NELL2: variants seen among roughly 807,000 people sequenced by gnomAD.
NELL2 encodes the protein neural EGFL like 2.
A neutral mutation model predicts 109.6 loss-of-function variants in NELL2; 41 were observed. The observed-to-expected ratio is 0.37, with a 90% CI of 0.29 to 0.49. The LOEUF is 0.49. Among genes scored for constraint, NELL2 ranks in the 20% least tolerant of loss-of-function variants. The probability of loss-of-function intolerance (pLI) is 0.98; values close to 1 mark genes in which losing one functional copy is unlikely to be tolerated. For synonymous variants in NELL2, 355 were observed against 344.7 expected (o/e 1.03, Z -0.33); for missense variants, 900 against 1,008.3 (o/e 0.89, Z 1.45).
At chr12:44,649,887 G>C (rs1317576000) in intron 13 of NELL2, among the ~76,000 whole-genome samples, 2 of 152,200 alleles carry the variant, frequency 1.3e-5, no homozygotes, top group Non-Finnish European at 2.9e-5. Context: ...AGTGCTGTCA[G>C]TTGTTTATCA....
intron 3 of NELL2, among the ~76,000 whole-genome samples, chr12:44,785,971 A>G (rs1217179601): frequency 6.6e-6 from 1 of 152,134 alleles, no homozygotes; most frequent in East Asian, 1.9e-4. Context: ...AGGCACGGGC[A>G]AAGACTTCAT....
chr12:44,564,980 T>C (rs1257319028), intron 15 of NELL2, among the ~76,000 whole-genome samples: 1 of 152,164 alleles, frequency 6.6e-6, no homozygotes, highest in East Asian at 1.9e-4. Flanking sequence ...GTGGACCCCC[T>C]GAATCAGAAT....
chr12:44,825,351 T>A (rs1049210960), intron 2 of NELL2, among the ~76,000 whole-genome samples: 6 of 151,826 alleles, frequency 4.0e-5, no homozygotes, highest in Non-Finnish European at 8.8e-5. Context: ...CACCTACGTA[T>A]TTTTATAGCT....
At chr12:44,543,466 T>G (rs1488389836) in intron 15 of NELL2, among the ~76,000 whole-genome samples, 3 of 152,182 alleles carry the variant, frequency 2.0e-5, no homozygotes, top group Non-Finnish European at 2.9e-5. Context: ...TAAAAATATA[T>G]GTCAGATTGT....
chr12:44,822,135 A>G (rs1943566551), intron 2 of NELL2, among the ~76,000 whole-genome samples: 1 of 152,122 alleles, frequency 6.6e-6, no homozygotes, highest in Admixed American at 6.6e-5. Context: ...CAATATAGAA[A>G]AATAAAGTGC....
intron 9 of NELL2, among the ~76,000 whole-genome samples, chr12:44,733,075 G>A (rs1939454364): frequency 6.6e-6 from 1 of 152,070 alleles, no homozygotes; most frequent in South Asian, 2.1e-4. Flanking sequence ...AACAAGTGTT[G>A]GCAAGGATGT....
chr12:44,671,566 T>C (rs533977443), intron 12 of NELL2, among the ~76,000 whole-genome samples: 1 of 151,880 alleles, frequency 6.6e-6, no homozygotes, highest in African/African-American at 2.4e-5. Flanking sequence ...GAAGACCAGA[T>C]AAACAAAAAT....
At chr12:44,816,217 A>T in intron 2 of NELL2, 81 bp from the exon 3 acceptor site, 2 of 1,275,778 alleles carry the variant, frequency 1.6e-6, no homozygotes, top group South Asian at 3.2e-5. Context: ...TCTTTCAAAA[A>T]ACTTTATCAA....
At chr12:44,800,440 G>T (rs1592560793) in intron 3 of NELL2, among the ~76,000 whole-genome samples, 1 of 152,106 alleles carries the variant, frequency 6.6e-6, no homozygotes, top group Non-Finnish European at 1.5e-5. Flanking sequence ...TGCCTAAGTG[G>T]TTTTACAAGC....
intron 2 of NELL2, among the ~76,000 whole-genome samples, chr12:44,856,398 G>A (rs889446916): frequency 9.9e-5 from 15 of 152,188 alleles, no homozygotes; most frequent in Non-Finnish European, 1.6e-4. Flanking sequence ...ATACAGTATG[G>A]TAAATAATAA....
rs17094843 is a variant in NELL2 at position 44,595,150 on chromosome 12, T to C, written c.1663+12019A>G. On this transcript the variant is annotated intron_variant, in intron 15 of 19. Transcript: ENST00000429094. ...AAGCAAAAAGAAACACAAGCAACTGTAGTCAACTAATTTTCTTTTCCTCGA... is the reference window on the plus strand; with the variant it reads ...AAGCAAAAAGAAACACAAGCAACTGCAGTCAACTAATTTTCTTTTCCTCGA... 4.9e-3 allele frequency among the ~76,000 whole-genome samples: 746 copies of C among 152,340 alleles called. 11 individuals carry two copies. Among genetic ancestry groups the C allele is most frequent in the African/African-American group, 0.017 (695 of 41,582 alleles).
intron 9 of NELL2, among the ~76,000 whole-genome samples, chr12:44,725,554 G>A (rs1318059388): frequency 6.6e-6 from 1 of 152,118 alleles, no homozygotes; most frequent in Non-Finnish European, 1.5e-5. Flanking sequence ...ACATGCACGT[G>A]ATTGTTCACT....
At chr12:44,657,641 C>T (rs920077652) in intron 13 of NELL2, among the ~76,000 whole-genome samples, 4 of 152,106 alleles carry the variant, frequency 2.6e-5, no homozygotes, top group Admixed American at 6.5e-5. Context: ...TCCCCTACCC[C>T]CTAACAGGCC....
chr12:44,582,544 A>C (rs1360090035), intron 15 of NELL2, among the ~76,000 whole-genome samples: 1 of 152,164 alleles, frequency 6.6e-6, no homozygotes, highest in Non-Finnish European at 1.5e-5. Context: ...TAAACAATTA[A>C]TGAAGTGAAG....
intron 15 of NELL2, among the ~76,000 whole-genome samples, chr12:44,533,406 C>T (rs564912881): frequency 2.4e-4 from 37 of 152,058 alleles, no homozygotes; most frequent in African/African-American, 8.0e-4. Context: ...CATACTACTT[C>T]GTTCAACCCT....
chr12:44,715,205 T>C (rs1360793545), intron 9 of NELL2, among the ~76,000 whole-genome samples: 1 of 150,698 alleles, frequency 6.6e-6, no homozygotes, highest in Non-Finnish European at 1.5e-5. Flanking sequence ...TTTCAGCACA[T>C]CCATGTAAGT....
intron 15 of NELL2, among the ~76,000 whole-genome samples, chr12:44,534,744 A>G (rs1476950743): frequency 1.3e-5 from 2 of 152,094 alleles, no homozygotes; most frequent in Non-Finnish European, 2.9e-5. Flanking sequence ...AGAAAGCCAT[A>G]TGGGGGATGG....
intron 3 of NELL2, among the ~76,000 whole-genome samples, chr12:44,782,477 A>T (rs1232680526): frequency 6.6e-6 from 1 of 151,992 alleles, no homozygotes; most frequent in Admixed American, 6.6e-5. Context: ...ATTAAAAACC[A>T]TGACCATATT....
intron 15 of NELL2, among the ~76,000 whole-genome samples, chr12:44,577,517 C>A (rs1447180781): frequency 1.5e-5 from 2 of 136,656 alleles, no homozygotes; most frequent in Admixed American, 7.4e-5. Context: ...CTCTGTCTCC[C>A]AGGCTGGAGT....
Sources: allele counts gnomAD v4.1 joint callset (sites outside exome capture counted in the v4.1 genomes callset), GRCh38; gene constraint gnomAD v4.1.1; transcripts MANE v1.5; gene names NCBI Gene and HGNC (gene_info 2026-07-23, HGNC 2026-07-21).